The following CACNB2 variants were observed in gnomAD, a reference collection of about 807,000 sequenced individuals.
CACNB2 encodes the protein calcium voltage-gated channel auxiliary subunit beta 2, also known as voltage-dependent L-type calcium channel subunit beta-2.
A neutral mutation model predicts 73.3 loss-of-function variants in CACNB2; 42 were observed. That is an observed-to-expected ratio of 0.57 (90% CI 0.45 to 0.74). The LOEUF (loss-of-function observed/expected upper bound fraction) is 0.74, where lower values mean the gene tolerates loss of function less well. Ranked by LOEUF, CACNB2 falls within the 30% of genes least tolerant of loss-of-function variation. The pLI is 0.00. For synonymous variants in CACNB2, 348 were observed against 310.3 expected, an observed-to-expected ratio of 1.12 and a Z score of -1.28; for missense variants, 940 against 853.0, an observed-to-expected ratio of 1.10 and a Z score of -1.27.
At chr10:18,508,732 G>A (rs569965565) in intron 6 of CACNB2, among the ~76,000 whole-genome samples, 2 of 152,220 alleles carry the variant, frequency 1.3e-5, no homozygotes, top group South Asian at 4.1e-4. Context: ...TACTTAACAC[G>A]TGGACAGACC....
At chr10:18,337,233 A>G (rs1308336515) in intron 2 of CACNB2, among the ~76,000 whole-genome samples, 1 of 152,024 alleles carries the variant, frequency 6.6e-6, no homozygotes, top group Non-Finnish European at 1.5e-5. Context: ...GGAGTCAAGC[A>G]ATCCTCCCAT....
At chr10:18,209,786 A>G (rs1444365483) in intron 2 of CACNB2, among the ~76,000 whole-genome samples, 2 of 152,150 alleles carry the variant, frequency 1.3e-5, no homozygotes, top group African/African-American at 4.8e-5. Context: ...GTCTTGAGTC[A>G]TTTACATGTT....
intron 2 of CACNB2, among the ~76,000 whole-genome samples, chr10:18,325,473 G>A (rs1248974816): frequency 2.6e-5 from 4 of 152,008 alleles, no homozygotes; most frequent in Admixed American, 2.6e-4. Context: ...TGGTGTTACA[G>A]GCTTGAGCCA....
At chr10:18,294,324 T>C (rs1173499152) in intron 2 of CACNB2, among the ~76,000 whole-genome samples, 1 of 151,870 alleles carries the variant, frequency 6.6e-6, no homozygotes, top group Non-Finnish European at 1.5e-5. Context: ...GAAAAGATGA[T>C]AGCAACCAGC....
intron 1 of CACNB2, among the ~76,000 whole-genome samples, chr10:18,148,294 T>G (rs939256944): frequency 1.8e-4 from 28 of 152,178 alleles, no homozygotes; most frequent in African/African-American, 6.0e-4. Context: ...GAAGAACAAT[T>G]TTTTTTCTCA....
chr10:18,298,499 C>T (rs561406366), intron 2 of CACNB2, among the ~76,000 whole-genome samples: 2 of 152,148 alleles, frequency 1.3e-5, no homozygotes, highest in African/African-American at 4.8e-5. Flanking sequence ...CAGGTGAGGC[C>T]GTAAGGGCCC....
At chr10:18,319,553 A>G (rs1427185798) in intron 2 of CACNB2, among the ~76,000 whole-genome samples, 2 of 152,166 alleles carry the variant, frequency 1.3e-5, no homozygotes, top group Non-Finnish European at 2.9e-5. Context: ...ACCATGGCAC[A>G]TGCATACCTA....
In CACNB2 at chr10:18,303,626, C is replaced by T. The variant is rs750263445; in HGVS notation, c.214-98298C>T. On this transcript the variant is annotated intron_variant, in intron 2 of 13. Transcript: ENST00000324631. ...CTGAATTCTTAGAAGCTGTGCAACC[C>T]GTATGAAGGCAACCCATATGAAGGT... is the stretch of plus-strand genomic sequence containing the variant. Among the ~76,000 whole-genome samples, 7 of 152,168 alleles carry T rather than the reference C, an allele frequency of 4.6e-5. No homozygotes were observed. The East Asian group carries it at 5.8e-4, about 13-fold the overall frequency.
intron 6 of CACNB2, among the ~76,000 whole-genome samples, chr10:18,508,855 T>C (rs2050621236): frequency 6.6e-6 from 1 of 152,208 alleles, no homozygotes; most frequent in Non-Finnish European, 1.5e-5. Context: ...AACCAGTGTA[T>C]GTCAAGGACC....
At chr10:18,517,262 C>CT (rs1410619458) in intron 7 of CACNB2, among the ~76,000 whole-genome samples, 2 of 152,144 alleles carry the variant, frequency 1.3e-5, no homozygotes, top group African/African-American at 4.8e-5. Flanking sequence ...ATCGCAGTGT[C>CT]TAAGGCCATA....
chr10:18,505,012 C>G (rs2050412832), intron 5 of CACNB2, among the ~76,000 whole-genome samples: 1 of 152,070 alleles, frequency 6.6e-6, no homozygotes, highest in South Asian at 2.1e-4. Flanking sequence ...TTTAAAAACT[C>G]TGATACAGAA....
intron 3 of CACNB2, among the ~76,000 whole-genome samples, chr10:18,478,095 C>G (rs193269135): frequency 2.6e-5 from 4 of 152,226 alleles, no homozygotes; most frequent in African/African-American, 9.6e-5. Context: ...CCACGCTTGG[C>G]TAATTTTTAT....
intron 3 of CACNB2, among the ~76,000 whole-genome samples, chr10:18,440,547 G>A (rs550461867): frequency 1.2e-4 from 18 of 152,158 alleles, no homozygotes; most frequent in African/African-American, 2.7e-4. Context: ...CACATCTGTG[G>A]TGCCAGCTAC....
At chr10:18,152,348 TAAGAAGGGGCAAAGCTTTTTTGG>T (rs1244762029) in intron 2 of CACNB2, among the ~76,000 whole-genome samples, 1 of 152,024 alleles carries the variant, frequency 6.6e-6, no homozygotes, top group African/African-American at 2.4e-5. Context: ...AAGAGTTACT[TAAGAAGGGGCAAAGCTTTTTTGG>T]TTAGAAACAT....
intron 10 of CACNB2, among the ~76,000 whole-genome samples, chr10:18,531,677 AT>A: frequency 6.6e-6 from 1 of 152,164 alleles, no homozygotes; most frequent in South Asian, 2.1e-4. Context: ...AGCATCTGTT[AT>A]TTTTTGACTT....
At chr10:18,439,745 A>G (rs1199295973) in intron 3 of CACNB2, among the ~76,000 whole-genome samples, 3 of 152,194 alleles carry the variant, frequency 2.0e-5, no homozygotes, top group African/African-American at 7.2e-5. Context: ...TGCAAGAATA[A>G]GAAAGCTCAT....
At chr10:18,141,303 G>T in intron 1 of CACNB2, 1 of 1,181,810 alleles carries the variant, frequency 8.5e-7, no homozygotes, top group South Asian at 1.3e-5. Context: ...GCCGGGGTGG[G>T]CGTGGGTGTG....
chr10:18,518,270 T>C (rs1372760935), intron 7 of CACNB2, 66 bp from the exon 8 acceptor site: 1 of 1,078,150 alleles, frequency 9.3e-7, no homozygotes, highest in East Asian at 2.4e-5. Flanking sequence ...AAAGAGTACC[T>C]TATACACAAA....
At chr10:18,359,962 C>T (rs1004404570) in intron 2 of CACNB2, among the ~76,000 whole-genome samples, 1 of 152,084 alleles carries the variant, frequency 6.6e-6, no homozygotes, top group Non-Finnish European at 1.5e-5. Flanking sequence ...TTAAACTATT[C>T]TATATTCAAA....
Sources: allele counts gnomAD v4.1 joint callset (sites outside exome capture counted in the v4.1 genomes callset), GRCh38; gene constraint gnomAD v4.1.1; transcripts MANE v1.5; gene names NCBI Gene and HGNC (gene_info 2026-07-23, HGNC 2026-07-21).